Variants in CRY1 observed in about 807,000 individuals in gnomAD.
CRY1 encodes the protein cryptochrome circadian regulator 1, also known as cryptochrome-1.
CRY1 carries 45 observed loss-of-function variants against 76.0 expected under a neutral mutation model. The ratio of observed to expected loss-of-function variants is 0.59; its 90% confidence interval spans 0.47 to 0.76. CRY1 has a LOEUF of 0.76. Ranked by LOEUF, CRY1 falls within the 30% of genes least tolerant of loss-of-function variation. CRY1 has a pLI of 0.00. For synonymous variants in CRY1, 248 were observed against 244.0 expected (o/e 1.02, Z -0.15); for missense variants, 587 against 716.4 (o/e 0.82, Z 2.06).
chr12:107,086,032 A>G (rs1438226753), intron 1 of CRY1, among the ~76,000 whole-genome samples: 6 of 152,148 alleles, frequency 3.9e-5, no homozygotes, highest in Non-Finnish European at 8.8e-5. Flanking sequence ...AAACTAAAAC[A>G]AAAAAATGGC....
intron 2 of CRY1, among the ~76,000 whole-genome samples, chr12:107,015,183 A>C (rs1313387549): frequency 1.3e-5 from 2 of 151,990 alleles, no homozygotes; most frequent in Non-Finnish European, 2.9e-5. Flanking sequence ...GCCTTTAAAG[A>C]CTTTATTTTC....
chr12:107,025,921 C>A (rs1323098795), intron 1 of CRY1, among the ~76,000 whole-genome samples: 1 of 151,228 alleles, frequency 6.6e-6, no homozygotes, highest in African/African-American at 2.4e-5. Context: ...GAATGTGCTC[C>A]AGGGCCTTTC....
At chr12:107,018,527 C>T (rs573254192) in intron 2 of CRY1, among the ~76,000 whole-genome samples, 6 of 152,136 alleles carry the variant, frequency 3.9e-5, no homozygotes, top group South Asian at 2.1e-4. Flanking sequence ...GCAAATGTTG[C>T]AGTGAGCCAA....
intron 1 of CRY1, among the ~76,000 whole-genome samples, chr12:107,048,825 A>C (rs920817946): frequency 1.3e-5 from 2 of 152,184 alleles, no homozygotes; most frequent in African/African-American, 2.4e-5. Flanking sequence ...AATATTAATC[A>C]CAGCTGTTTT....
intron 1 of CRY1, among the ~76,000 whole-genome samples, chr12:107,069,585 A>C (rs187458212): frequency 0.021 from 854 of 41,216 alleles, 17 homozygotes; most frequent in African/African-American, 0.037. Context: ...TATATATATA[A>C]AGTATATATA....
At chr12:107,065,709 T>C (rs1049106315) in intron 1 of CRY1, among the ~76,000 whole-genome samples, 7 of 152,144 alleles carry the variant, frequency 4.6e-5, no homozygotes, top group African/African-American at 1.4e-4. Flanking sequence ...TAGAAAGAAA[T>C]ACAGTATGTT....
intron 1 of CRY1, among the ~76,000 whole-genome samples, chr12:107,056,477 C>T (rs1952983484): frequency 6.6e-6 from 1 of 152,140 alleles, no homozygotes; most frequent in Non-Finnish European, 1.5e-5. Context: ...GCAAGCTTGC[C>T]CAACCTGTGG....
chr12:106,998,081 G>A lies in CRY1; in HGVS notation c.1138-15C>T, dbSNP rs1389961563. 6.2e-7 allele frequency: 1 copy of A among 1,613,608 alleles called. No individual in the cohort carries two copies. The highest frequency in any genetic ancestry group is 8.5e-7 in the Non-Finnish European group (1 of 1,179,788). On this transcript the variant is annotated splice_polypyrimidine_tract_variant and intron_variant, in intron 7 of 12. Coordinates refer to ENST00000008527, the MANE Select transcript of CRY1 (RefSeq NM_004075.5). ...TCTTCAAATACCTTCAGAAGTAACA[G>A]TAACCAATTAGTTTGCACACACATA...
chr12:107,018,882 C>A (rs963922141), intron 2 of CRY1, among the ~76,000 whole-genome samples: 3 of 152,158 alleles, frequency 2.0e-5, no homozygotes, highest in Admixed American at 2.0e-4. Context: ...CCTGAATCTA[C>A]TCCTTATAAA....
intron 1 of CRY1, among the ~76,000 whole-genome samples, chr12:107,041,019 G>A (rs1457705020): frequency 3.3e-5 from 5 of 152,044 alleles, no homozygotes; most frequent in Non-Finnish European, 5.9e-5. Flanking sequence ...CAAGTGCTGT[G>A]ATTACAGGCA....
chr12:107,056,580 C>CT (rs147711184), intron 1 of CRY1, among the ~76,000 whole-genome samples: 17,632 of 146,604 alleles, frequency 0.12, 1,649 homozygotes, highest in African/African-American at 0.25. Flanking sequence ...TAAGCACAGA[C>CT]TTTTTTTTTT....
intron 1 of CRY1, among the ~76,000 whole-genome samples, chr12:107,079,792 G>A (rs1953301014): frequency 6.6e-6 from 1 of 152,030 alleles, no homozygotes; most frequent in African/African-American, 2.4e-5. Flanking sequence ...AGAAGCAGAG[G>A]GCCAGATTAC....
intron 1 of CRY1, among the ~76,000 whole-genome samples, chr12:107,065,772 C>T (rs1203907925): frequency 1.3e-5 from 2 of 152,152 alleles, no homozygotes; most frequent in Admixed American, 6.6e-5. Context: ...CAAAATGAGA[C>T]ACTTATTCCT....
chr12:107,052,053 T>C (rs920274621), intron 1 of CRY1, among the ~76,000 whole-genome samples: 60 of 152,312 alleles, frequency 3.9e-4, no homozygotes, highest in African/African-American at 1.3e-3. Flanking sequence ...TTCTGACCTA[T>C]GATATAAATT....
intron 1 of CRY1, among the ~76,000 whole-genome samples, chr12:107,072,516 G>A (rs1033562595): frequency 6.6e-6 from 1 of 152,136 alleles, no homozygotes; most frequent in Non-Finnish European, 1.5e-5. Flanking sequence ...TTCTAGCAAA[G>A]GTTTATGGAA....
chr12:107,002,264 G>C (rs1433914911), intron 3 of CRY1, among the ~76,000 whole-genome samples: 1 of 152,048 alleles, frequency 6.6e-6, no homozygotes, highest in Non-Finnish European at 1.5e-5. Context: ...TTAGTCTAAA[G>C]GCAATTACAA....
intron 1 of CRY1, among the ~76,000 whole-genome samples, chr12:107,078,065 A>T (rs1335322986): frequency 6.6e-6 from 1 of 152,250 alleles, no homozygotes; most frequent in East Asian, 1.9e-4. Flanking sequence ...ACTGATTCAA[A>T]TAAGAATCTG....
At chr12:107,069,267 C>T (rs1953149680) in intron 1 of CRY1, among the ~76,000 whole-genome samples, 1 of 149,742 alleles carries the variant, frequency 6.7e-6, no homozygotes, top group African/African-American at 2.5e-5. Context: ...CTCTGTCATC[C>T]AGGCTGGAGT....
chr12:107,006,638 C>CGTTTTTT lies in CRY1; in HGVS notation c.268-1391_268-1390insAAAAAAC, dbSNP rs71076707. On this transcript the variant is annotated intron_variant, in intron 2 of 12. Coordinates refer to ENST00000008527, the MANE Select transcript of CRY1 (RefSeq NM_004075.5). ...CTTGCCAATAATATGTATTAGTAAT[C>CGTTTTTT]TTTTTTTTTTTTTTTTTTAGATGAC... Among the ~76,000 whole-genome samples, 8 of 137,100 alleles carry CGTTTTTT rather than the reference C, an allele frequency of 5.8e-5. 1 individual carries two copies. Among genetic ancestry groups the CGTTTTTT allele is most frequent in the Admixed American group, 7.6e-5 (1 of 13,148 alleles). The allele number at this position is 137,100 out of a possible 152,430, so 89.9% of individuals were successfully genotyped here.
Sources: allele counts gnomAD v4.1 joint callset (sites outside exome capture counted in the v4.1 genomes callset), GRCh38; gene constraint gnomAD v4.1.1; transcripts MANE v1.5; gene names NCBI Gene and HGNC (gene_info 2026-07-23, HGNC 2026-07-21).